The following SCGB2B2 variants were observed in gnomAD, a reference collection of about 807,000 sequenced individuals.
The protein encoded by SCGB2B2 is secretoglobin-like protein.
A neutral mutation model predicts 7.6 loss-of-function variants in SCGB2B2; 11 were observed. The ratio of observed to expected loss-of-function variants is 1.45; its 90% CI spans 0.91 to 2.40. The LOEUF (loss-of-function observed/expected upper bound fraction) is 2.40, where lower values mean the gene tolerates loss of function less well. Among genes scored for constraint, SCGB2B2 ranks in the 30% most tolerant of loss-of-function variants. SCGB2B2 has a pLI of 0.00. For synonymous variants in SCGB2B2, 50 were observed against 48.6 expected, an observed-to-expected ratio of 1.03 and a Z score of -0.12; for missense variants, 104 against 115.4, an observed-to-expected ratio of 0.90 and a Z score of 0.45.
chr19:34,599,844 C>T (rs1011665607), intron 1 of SCGB2B2, among the ~76,000 whole-genome samples: 2 of 152,110 alleles, frequency 1.3e-5, no homozygotes, highest in African/African-American at 4.8e-5. Context: ...TTTCCCTCCT[C>T]CCCTGACCTC....
intron 1 of SCGB2B2, among the ~76,000 whole-genome samples, chr19:34,665,718 G>C (rs1196425287): frequency 6.6e-6 from 1 of 152,058 alleles, no homozygotes; most frequent in Admixed American, 6.5e-5. Flanking sequence ...AGGCAGGTGA[G>C]TGAGTGACAG....
intron 1 of SCGB2B2, among the ~76,000 whole-genome samples, chr19:34,627,660 T>C (rs896797254): frequency 1.3e-5 from 2 of 152,070 alleles, no homozygotes; most frequent in Non-Finnish European, 2.9e-5. Flanking sequence ...TCCCATACAA[T>C]AATAATGGGA....
chr19:34,616,854 A>C (rs1263783785), intron 1 of SCGB2B2, among the ~76,000 whole-genome samples: 1 of 152,014 alleles, frequency 6.6e-6, no homozygotes, highest in Non-Finnish European at 1.5e-5. Flanking sequence ...TCTTGAATTA[A>C]TTTTTGTATA....
chr19:34,628,674 T>G (rs748061010), intron 1 of SCGB2B2, among the ~76,000 whole-genome samples: 8 of 151,836 alleles, frequency 5.3e-5, no homozygotes, highest in African/African-American at 1.4e-4. Flanking sequence ...TCACAGCTGA[T>G]TTCTACCAGA....
chr19:34,620,288 T>C (rs892498393), intron 1 of SCGB2B2, among the ~76,000 whole-genome samples: 2 of 152,082 alleles, frequency 1.3e-5, no homozygotes, highest in African/African-American at 4.8e-5. Flanking sequence ...CAAATGTCCA[T>C]CAATGATAGA....
At chr19:34,672,886 C>T (rs762070310) in intron 1 of SCGB2B2, among the ~76,000 whole-genome samples, 1 of 152,030 alleles carries the variant, frequency 6.6e-6, no homozygotes, top group Non-Finnish European at 1.5e-5. Flanking sequence ...ATAAGAACTC[C>T]AGCCTCATAA....
At chr19:34,642,358 A>T (rs1442168134) in intron 1 of SCGB2B2, among the ~76,000 whole-genome samples, 1 of 152,100 alleles carries the variant, frequency 6.6e-6, no homozygotes, top group Non-Finnish European at 1.5e-5. Context: ...CACATATGTG[A>T]GGTTTTCTTC....
At chr19:34,610,404 AT>A (rs761610731) in intron 1 of SCGB2B2, among the ~76,000 whole-genome samples, 9 of 152,112 alleles carry the variant, frequency 5.9e-5, no homozygotes, top group African/African-American at 1.2e-4. Flanking sequence ...AGAGGATGAC[AT>A]TTCAACTTTT....
In SCGB2B2 at chr19:34,606,097, G is replaced by T. The variant is rs532538774; in HGVS notation, c.-2031-9503C>A. Among the ~76,000 whole-genome samples the T allele has an allele frequency of 5.3e-5, 8 of 150,734 alleles. 1 individual carries two copies. Among genetic ancestry groups the T allele is most frequent in the Admixed American group, 4.6e-4 (7 of 15,168 alleles). On this transcript the variant is annotated intron_variant, in intron 1 of 3. Transcript: ENST00000601241. Reference sequence around the variant, plus strand: ...TTAAAATTTTTTAAAAAAATTTTATGTAGTTTTTTAAAATTTTACCAACTT... The same window carrying T: ...TTAAAATTTTTTAAAAAAATTTTATTTAGTTTTTTAAAATTTTACCAACTT...
chr19:34,636,072 T>G (rs1048739745), intron 1 of SCGB2B2, among the ~76,000 whole-genome samples: 2 of 152,246 alleles, frequency 1.3e-5, no homozygotes, highest in Non-Finnish European at 2.9e-5. Context: ...TTAGGAGCCC[T>G]GACCTGTGAC....
chr19:34,630,706 C>A (rs559052001), intron 1 of SCGB2B2, among the ~76,000 whole-genome samples: 2 of 152,126 alleles, frequency 1.3e-5, no homozygotes, highest in Non-Finnish European at 2.9e-5. Context: ...GTCGGTGTGG[C>A]GATTCCTCAG....
At chr19:34,609,734 C>T (rs1025538295) in intron 1 of SCGB2B2, among the ~76,000 whole-genome samples, 2 of 152,024 alleles carry the variant, frequency 1.3e-5, no homozygotes, top group African/African-American at 4.8e-5. Context: ...GCTTTATAGT[C>T]TATTTTGACT....
intron 1 of SCGB2B2, among the ~76,000 whole-genome samples, chr19:34,642,781 T>C (rs913354628): frequency 4.9e-5 from 6 of 122,156 alleles, no homozygotes; most frequent in Non-Finnish European, 1.0e-4. Context: ...AAAGATGACA[T>C]ACAAATGACC....
chr19:34,649,927 G>C (rs899886657), intron 1 of SCGB2B2, among the ~76,000 whole-genome samples: 2 of 151,114 alleles, frequency 1.3e-5, no homozygotes, highest in African/African-American at 2.5e-5. Flanking sequence ...TCCAATGCCT[G>C]ACCATCTGTT....
intron 1 of SCGB2B2, among the ~76,000 whole-genome samples, chr19:34,633,930 C>T (rs914055332): frequency 7.2e-5 from 11 of 152,256 alleles, no homozygotes; most frequent in East Asian, 1.9e-4. Context: ...CAAAGACTAG[C>T]GAGCAATAAA....
At chr19:34,659,237 G>T (rs1018652237) in intron 1 of SCGB2B2, among the ~76,000 whole-genome samples, 2 of 152,192 alleles carry the variant, frequency 1.3e-5, no homozygotes, top group Admixed American at 1.3e-4. Flanking sequence ...CACAAGAGAA[G>T]GATGCCCTCT....
At chr19:34,663,112 G>T (rs896635564) in intron 1 of SCGB2B2, among the ~76,000 whole-genome samples, 14 of 152,224 alleles carry the variant, frequency 9.2e-5, no homozygotes, top group Admixed American at 6.5e-4. Flanking sequence ...CCTACCAGAT[G>T]GTTCACACGA....
intron 1 of SCGB2B2, among the ~76,000 whole-genome samples, chr19:34,613,676 T>C (rs959222795): frequency 1.4e-4 from 22 of 152,238 alleles, no homozygotes; most frequent in Non-Finnish European, 2.5e-4. Context: ...TGATAACCTT[T>C]GATTCCTTTC....
At chr19:34,628,958 G>T (rs558470091) in intron 1 of SCGB2B2, among the ~76,000 whole-genome samples, 2 of 152,014 alleles carry the variant, frequency 1.3e-5, no homozygotes, top group South Asian at 2.1e-4. Flanking sequence ...TGCAAGGCTG[G>T]TTCAACATAT....
Sources: gnomAD v4.1 joint callset for allele counts (sites outside exome capture counted in the v4.1 genomes callset) on GRCh38, gnomAD v4.1.1 for gene constraint, MANE v1.5 for transcripts, NCBI Gene and HGNC (gene_info 2026-07-23, HGNC 2026-07-21) for gene names.